SEPTIN6: variants seen among roughly 807,000 people sequenced by gnomAD.
The protein encoded by SEPTIN6 is septin-6.
Under a neutral mutation model 33.6 loss-of-function variants are expected in SEPTIN6, and 8 were observed. The ratio of observed to expected loss-of-function variants is 0.24; its 90% CI spans 0.14 to 0.43. The LOEUF (loss-of-function observed/expected upper bound fraction) is 0.43. Ranked by LOEUF, SEPTIN6 falls within the 20% of genes least tolerant of loss-of-function variation. SEPTIN6 has a pLI of 1.00. For missense variants in SEPTIN6, 250 were observed against 340.8 expected, an observed-to-expected ratio of 0.73 and a Z score of 2.10; for synonymous variants, 131 against 140.0, an observed-to-expected ratio of 0.94 and a Z score of 0.45.
chrX:119,675,221 C>G (rs1331181584), intron 2 of SEPTIN6, among the ~76,000 whole-genome samples: 2 of 110,967 alleles, frequency 1.8e-5, no homozygotes, highest in African/African-American at 6.6e-5. Flanking sequence ...TATCCCCTCC[C>G]TCCCAATTCT....
At chrX:119,682,209 G>A (rs930422832) in intron 1 of SEPTIN6, among the ~76,000 whole-genome samples, 2 of 111,697 alleles carry the variant, frequency 1.8e-5, no homozygotes, top group African/African-American at 6.5e-5. Flanking sequence ...TACCTCAGGG[G>A]AGGGGGATGG....
chrX:119,633,171 G>C (rs1202733982), intron 8 of SEPTIN6, among the ~76,000 whole-genome samples, 189 bp downstream of exon 8: 2 of 111,945 alleles, frequency 1.8e-5, no homozygotes, highest in Non-Finnish European at 3.8e-5. Context: ...ATAATAAAGT[G>C]ATCTATAGGA....
chrX:119,663,537 T>G lies in SEPTIN6; in HGVS notation c.286A>C (p.Lys96Gln). The G allele has an allele frequency of 8.3e-7, 1 of 1,208,501 alleles. No individual in the cohort carries two copies. ...CCAACTGTGCTAACGATCGTGAGCT[T>G]TAGCCTCACGTTGCTCTCTTGGAGG... ...YDLQESNVRL[K>Q]LTIVSTVGFG... is the part of the protein sequence containing the mutation. The change falls in exon 3 of 11, where the codon AAG becomes CAG. Residue 96 changes from lysine to glutamine, a missense_variant. By Grantham distance (53) the Lys-to-Gln change is moderately conservative (BLOSUM62 1). Transcript: ENST00000394610.
Position 119,618,712 on chromosome X carries a change from C to A in SEPTIN6, c.*1381G>T. ...GGAAAGCTGTCAGTTAAAATAGGAA[C>A]CTCGGCTTAAAAGGCTAAATGGAGT... On this transcript the variant is annotated 3_prime_UTR_variant, in exon 11 of 11. Transcript: ENST00000394610. 2 of 1,201,128 alleles carry A rather than the reference C, an allele frequency of 1.7e-6. No individual in the cohort carries two copies. Among genetic ancestry groups the A allele is most frequent in the South Asian group, 1.8e-5 (1 of 54,698 alleles).
At chrX:119,625,541 ACT>A (rs1384588820) in intron 9 of SEPTIN6, 162 bp from the exon 10 acceptor site, 3 of 386,872 alleles carry the variant, frequency 7.8e-6, no homozygotes, top group Non-Finnish European at 1.3e-5. Context: ...AAACACTGAT[ACT>A]CTTTTTTTTT....
At position 119,686,688 on chromosome X, in the gene SEPTIN6, C is replaced by T. The variant is rs1040709157; in HGVS notation, c.30+6388G>A. The T allele has an allele frequency of 2.1e-5, 15 of 713,845 alleles. No homozygotes were observed. The African/African-American group carries it at 3.1e-4, about 15-fold the overall frequency. 58.8% of individuals were successfully genotyped at this position (713,845 alleles called of 1,213,427 possible). On this transcript the variant is annotated intron_variant, in intron 1 of 10. Coordinates refer to ENST00000394610, the MANE Select transcript of SEPTIN6 (RefSeq NM_145799.4). ...GTCTGTGTTTCTAATTTATTCTGCG[C>T]CCCCCACTCCAGTTGTTACTTAAAA...
intron 9 of SEPTIN6, among the ~76,000 whole-genome samples, chrX:119,625,723 AT>A (rs1372073202): frequency 9.1e-6 from 1 of 109,659 alleles, no homozygotes; most frequent in Admixed American, 9.8e-5. Flanking sequence ...TTATTTATTT[AT>A]TTTTTTTGTA....
rs187932385 is a variant in SEPTIN6 at position 119,672,890 on chromosome X, C to T, written c.145+2664G>A. Among the ~76,000 whole-genome samples, 7 of 111,807 alleles carry T rather than the reference C, an allele frequency of 6.3e-5. No homozygotes were observed. In the East Asian group the frequency reaches 1.7e-3, roughly 27 times the overall value. On this transcript the variant is annotated intron_variant, in intron 2 of 10. Transcript: ENST00000394610. ...GCCTAGATCTGGACTCTAAGGCCCT[C>T]GATGTGTAATTCTGTGAAGCACATA... is the stretch of plus-strand genomic sequence containing the variant.
At chrX:119,663,780 T>A in intron 2 of SEPTIN6, 103 bp from the exon 3 acceptor site, 1 of 661,282 alleles carries the variant, frequency 1.5e-6, no homozygotes, top group Non-Finnish European at 2.3e-6. Flanking sequence ...AAAATGAACA[T>A]GATAAAACAT....
At chrX:119,621,152 C>T (rs1481188314) in intron 10 of SEPTIN6, among the ~76,000 whole-genome samples, 1 of 110,169 alleles carries the variant, frequency 9.1e-6, no homozygotes, top group Admixed American at 9.7e-5. Flanking sequence ...TTAGAGCTGT[C>T]CTAGTCAGCT....
chrX:119,622,544 C>CTTGGGG (rs1311600655), intron 10 of SEPTIN6, among the ~76,000 whole-genome samples: 1 of 111,786 alleles, frequency 8.9e-6, no homozygotes, highest in Non-Finnish European at 1.9e-5. Flanking sequence ...AGCCAACCTA[C>CTTGGGG]TTGGGGTTGG....
intron 1 of SEPTIN6, among the ~76,000 whole-genome samples, chrX:119,686,081 T>C (rs112219900): frequency 0.075 from 8,400 of 111,464 alleles, 286 homozygotes; most frequent in African/African-American, 0.12. Flanking sequence ...AGCCAGACAA[T>C]TGAAAGAGAG....
intron 5 of SEPTIN6, among the ~76,000 whole-genome samples, chrX:119,641,123 G>A (rs1044646721): frequency 1.8e-5 from 2 of 111,954 alleles, no homozygotes; most frequent in African/African-American, 6.5e-5. Context: ...AAGAGCCTTT[G>A]GAAGAAGGGG....
chrX:119,636,960 C>T (rs757728716), intron 7 of SEPTIN6, 67 bp downstream of exon 7: 2 of 1,139,726 alleles, frequency 1.8e-6, no homozygotes, highest in African/African-American at 1.8e-5. Flanking sequence ...CAGGGGAAGG[C>T]TTCCACACCA....
intron 6 of SEPTIN6, among the ~76,000 whole-genome samples, chrX:119,638,462 C>G (rs778897075): frequency 1.8e-5 from 2 of 111,370 alleles, no homozygotes; most frequent in African/African-American, 6.5e-5. Flanking sequence ...TTGCCCTGAA[C>G]AAGTAGGAAA....
downstream of SEPTIN6, chrX:119,616,849 T>C: frequency 1.9e-6 from 2 of 1,078,315 alleles, no homozygotes; most frequent in Non-Finnish European, 2.5e-6. Context: ...GTAGCACAGA[T>C]TGTAGTGTGA....
Position 119,686,610 on chromosome X carries a change from C to T in SEPTIN6, c.30+6466G>A, listed in dbSNP as rs761793916. On this transcript the variant is annotated intron_variant, in intron 1 of 10. Coordinates refer to ENST00000394610, the MANE Select transcript of SEPTIN6 (RefSeq NM_145799.4). ...TCTGTGCAGGCGGCAGAGAAACCCACGGTTTCAAATCCCAGCAGCAGAAGC... is the reference window on the plus strand; with the variant it reads ...TCTGTGCAGGCGGCAGAGAAACCCATGGTTTCAAATCCCAGCAGCAGAAGC... The T allele has an allele frequency of 2.6e-5, 25 of 968,176 alleles. No homozygotes were observed. In the African/African-American group the frequency reaches 4.2e-4, roughly 16 times the overall value. The allele number at this position is 968,176 out of a possible 1,213,427, so 79.8% of individuals were successfully genotyped here.
chrX:119,640,168 CTTTTTTTTTTTT>C (rs57021804), intron 6 of SEPTIN6, among the ~76,000 whole-genome samples: 29 of 20,172 alleles, frequency 1.4e-3, no homozygotes, highest in African/African-American at 5.9e-3. Flanking sequence ...ACTATCCAGT[CTTTTTTTTTTTT>C]TTTTTTTTTT....
At chrX:119,632,963 G>A (rs1170457890) in intron 8 of SEPTIN6, among the ~76,000 whole-genome samples, 2 of 112,685 alleles carry the variant, frequency 1.8e-5, no homozygotes, top group Admixed American at 9.4e-5. Flanking sequence ...TTAGTTTGCT[G>A]AAGATAATGG....
Sources: allele counts gnomAD v4.1 joint callset (sites outside exome capture counted in the v4.1 genomes callset), GRCh38; gene constraint gnomAD v4.1.1; transcripts MANE v1.5; gene names NCBI Gene and HGNC (gene_info 2026-07-23, HGNC 2026-07-21).